USP7: variants seen among roughly 807,000 people sequenced by gnomAD.
The protein encoded by USP7 is ubiquitin specific peptidase 7, also known as ubiquitin C-terminal hydrolase 7.
USP7 carries 9 observed loss-of-function variants against 162.9 expected under a neutral mutation model. The ratio of observed to expected loss-of-function variants is 0.06; its 90% CI spans 0.03 to 0.10. The LOEUF (loss-of-function observed/expected upper bound fraction) is 0.10, where lower values mean the gene tolerates loss of function less well. Among genes scored for constraint, USP7 ranks in the 10% least tolerant of loss-of-function variants. The pLI, the probability that USP7 is intolerant of heterozygous loss-of-function variation, is 1.00. For missense variants in USP7, 715 were observed against 1,373.7 expected, an observed-to-expected ratio of 0.52 and a Z score of 7.58; for synonymous variants, 562 against 475.9, an observed-to-expected ratio of 1.18 and a Z score of -2.35.
At chr16:8,916,128 G>C (rs1897356067) in intron 8 of USP7, among the ~76,000 whole-genome samples, 1 of 152,206 alleles carries the variant, frequency 6.6e-6, no homozygotes, top group Non-Finnish European at 1.5e-5. Context: ...CGCTGCACAG[G>C]AGGGGTCTGG....
intron 2 of USP7, chr16:8,929,368 C>A: frequency 2.4e-6 from 1 of 412,474 alleles, no homozygotes; most frequent in Non-Finnish European, 4.8e-6. Context: ...CGCCTCTTTA[C>A]CTTCCTCAGA....
At chr16:8,944,884 G>A (rs1004133855) in intron 1 of USP7, among the ~76,000 whole-genome samples, 5 of 146,980 alleles carry the variant, frequency 3.4e-5, no homozygotes, top group African/African-American at 1.3e-4. Context: ...GTGAGGGGCA[G>A]ATCGAATGAG....
chr16:8,906,620 T>G, intron 12 of USP7, 38 bp from the exon 13 acceptor site: 1 of 1,586,556 alleles, frequency 6.3e-7, no homozygotes, highest in Non-Finnish European at 8.6e-7. Context: ...CAGTATTAAT[T>G]TACACAAAAA....
At chr16:8,960,794 G>C (rs1471922366) in intron 1 of USP7, among the ~76,000 whole-genome samples, 1 of 152,194 alleles carries the variant, frequency 6.6e-6, no homozygotes, top group Non-Finnish European at 1.5e-5. Context: ...CCAATCGTAA[G>C]GCTAGTACCA....
At position 8,963,445 on chromosome 16, in the gene USP7, C is replaced by CGCGGCGG. The variant is rs1900105495; in HGVS notation, c.-167_-161dup. On this transcript the variant is annotated 5_prime_UTR_variant, in exon 1 of 31. Coordinates refer to ENST00000344836, the MANE Select transcript of USP7 (RefSeq NM_003470.3). ...CGGCGACGGCGGCCCCGGGGCGGCC[C>CGCGGCGG]GCGGCGGGCGGCGGCGGCGGCAGGG... The CGCGGCGG allele has an allele frequency of 7.0e-6, 1 of 142,964 alleles. No homozygotes were observed. Among genetic ancestry groups the CGCGGCGG allele is most frequent in the Non-Finnish European group, 1.5e-5 (1 of 64,966 alleles). 8.9% of individuals were successfully genotyped at this position (142,964 alleles called of 1,614,324 possible).
At chr16:8,902,295 C>T (rs530093136) in intron 17 of USP7, 86 bp downstream of exon 17, 9 of 1,579,660 alleles carry the variant, frequency 5.7e-6, no homozygotes, top group Admixed American at 3.5e-5. Context: ...GTTAAGTGGA[C>T]CAAAAGGGAA....
intron 1 of USP7, among the ~76,000 whole-genome samples, chr16:8,952,890 G>A (rs887414093): frequency 1.3e-5 from 2 of 151,768 alleles, no homozygotes; most frequent in South Asian, 2.1e-4. Context: ...AGGCTAGAGT[G>A]CACTGGCGCA....
In USP7 at chr16:8,895,024, A is replaced by G. The variant is rs2141158609; in HGVS notation, c.3039+7T>C. 2 of 1,614,234 alleles carry G rather than the reference A, an allele frequency of 1.2e-6. No homozygotes were observed. Among genetic ancestry groups the G allele is most frequent in the Admixed American group, 1.7e-5 (1 of 60,028 alleles). Reference sequence around the variant, plus strand: ...CGTGAGCCACTCGGCCAACCACAACAGCATACCTGGTGTATCCTCAGCAAA... The same window carrying G: ...CGTGAGCCACTCGGCCAACCACAACGGCATACCTGGTGTATCCTCAGCAAA... On this transcript the variant is annotated splice_region_variant and intron_variant, in intron 28 of 30. Transcript: ENST00000344836.
chr16:8,955,533 C>A (rs1230242916), intron 1 of USP7, among the ~76,000 whole-genome samples: 2 of 151,992 alleles, frequency 1.3e-5, no homozygotes, highest in East Asian at 3.9e-4. Flanking sequence ...CATGGGGAAA[C>A]CGTCTCTACT....
At chr16:8,924,969 A>G (rs1268854554) in intron 2 of USP7, among the ~76,000 whole-genome samples, 1 of 152,238 alleles carries the variant, frequency 6.6e-6, no homozygotes, top group Non-Finnish European at 1.5e-5. Flanking sequence ...GTATTCCCCT[A>G]ATCCTTTTGA....
At chr16:8,936,832 TG>T (rs1898765223) in intron 1 of USP7, 1 of 1,054,344 alleles carries the variant, frequency 9.5e-7, no homozygotes, top group African/African-American at 1.7e-5. Context: ...ATGGAAAAAC[TG>T]GTGAAACTCT....
At chr16:8,905,972 TCCAAGACCCTCATCTG>T (rs1052886444) in intron 13 of USP7, among the ~76,000 whole-genome samples, 1 of 152,070 alleles carries the variant, frequency 6.6e-6, no homozygotes, top group African/African-American at 2.4e-5. Context: ...GGGGGTAGAT[TCCAAGACCCTCATCTG>T]CCAAATGAGT....
intron 1 of USP7, among the ~76,000 whole-genome samples, chr16:8,930,935 C>G (rs1206095153): frequency 6.6e-6 from 1 of 150,470 alleles, no homozygotes; most frequent in East Asian, 2.0e-4. Flanking sequence ...TGCCACTGCA[C>G]TCCAGCCTGG....
At chr16:8,934,843 G>A (rs1011117873) in intron 1 of USP7, among the ~76,000 whole-genome samples, 1 of 152,168 alleles carries the variant, frequency 6.6e-6, no homozygotes, top group Non-Finnish European at 1.5e-5. Flanking sequence ...CAGCCACCAA[G>A]GTGATTCCAG....
At chr16:8,902,517 A>T in intron 16 of USP7, 35 bp from the exon 17 acceptor site, 1 of 1,582,618 alleles carries the variant, frequency 6.3e-7, no homozygotes, top group Non-Finnish European at 8.6e-7. Flanking sequence ...TAAAATAAAA[A>T]CACGCTCATA....
At chr16:8,925,978 C>T (rs1046054818) in intron 2 of USP7, among the ~76,000 whole-genome samples, 1 of 151,038 alleles carries the variant, frequency 6.6e-6, no homozygotes, top group Non-Finnish European at 1.5e-5. Flanking sequence ...CACGGTCAAA[C>T]TCCATCTCTA....
chr16:8,920,286 C>A (rs1379377503), intron 5 of USP7, 73 bp downstream of exon 5: 2 of 1,274,794 alleles, frequency 1.6e-6, no homozygotes, highest in Admixed American at 2.0e-5. Context: ...ATCTCTATTA[C>A]ATGCACGCTA....
intron 2 of USP7, among the ~76,000 whole-genome samples, chr16:8,924,667 T>G (rs1387155232): frequency 6.6e-6 from 1 of 152,260 alleles, no homozygotes; most frequent in Non-Finnish European, 1.5e-5. Flanking sequence ...CACTAACAAC[T>G]GAGTTCTCAG....
chr16:8,958,133 G>A (rs1293742469), intron 1 of USP7, among the ~76,000 whole-genome samples: 1 of 152,220 alleles, frequency 6.6e-6, no homozygotes, highest in Non-Finnish European at 1.5e-5. Flanking sequence ...CACCTTCAGA[G>A]CAAACAAGCC....
Sources: gnomAD v4.1 joint callset for allele counts (sites outside exome capture counted in the v4.1 genomes callset) on GRCh38, gnomAD v4.1.1 for gene constraint, MANE v1.5 for transcripts, NCBI Gene and HGNC (gene_info 2026-07-23, HGNC 2026-07-21) for gene names.